The following CGNL1 variants were observed in gnomAD, a reference collection of about 807,000 sequenced individuals.
CGNL1 encodes cingulin-like protein 1.
Under a neutral mutation model 141.2 loss-of-function variants are expected in CGNL1, and 132 were observed. The ratio of observed to expected loss-of-function variants is 0.93; its 90% CI spans 0.81 to 1.08. The LOEUF (loss-of-function observed/expected upper bound fraction) is 1.08. CGNL1 is among the 50% of genes least tolerant of loss of function. The pLI, the probability that CGNL1 is intolerant of heterozygous loss-of-function variation, is 0.00. For missense variants in CGNL1, 1,870 were observed against 1,588.6 expected (o/e 1.18, Z -3.01); for synonymous variants, 690 against 622.1 (o/e 1.11, Z -1.63).
chr15:57,425,864 A>C (rs190697816), intron 1 of CGNL1, among the ~76,000 whole-genome samples: 100 of 152,180 alleles, frequency 6.6e-4, no homozygotes, highest in African/African-American at 2.4e-3. Context: ...TTGGATTACC[A>C]GTCTAATTTC....
chr15:57,520,707 C>A (rs954985618), intron 10 of CGNL1, among the ~76,000 whole-genome samples: 1 of 152,272 alleles, frequency 6.6e-6, no homozygotes, highest in East Asian at 1.9e-4. Context: ...GATAACAGTG[C>A]ATACATTATT....
intron 8 of CGNL1, among the ~76,000 whole-genome samples, chr15:57,468,228 CTTTTTCTTTTTTTTTTTT>C (rs2063534346): frequency 1.5e-5 from 1 of 64,820 alleles, no homozygotes; most frequent in African/African-American, 5.1e-5. Context: ...CTTTTCTTTT[CTTTTTCTTTTTTTTTTTT>C]TTTTTTTTTT....
chr15:57,451,541 G>T lies in CGNL1; in HGVS notation c.1845G>T (p.Gln615His), dbSNP rs551636907. Residue 615 changes from glutamine to histidine, a missense_variant, in exon 5 of 19, where the codon CAG (glutamine) becomes CAT (histidine). Coordinates refer to ENST00000281282, the MANE Select transcript of CGNL1 (RefSeq NM_032866.5). ...CTGAAGTCAAAGATCTATTGGAACA[G>T]AAAAGCAAGTTGACCATAGAAGTGG... Reference protein sequence around the residue: ...STSEVKDLLEQKSKLTIEVAE... With the variant: ...STSEVKDLLEHKSKLTIEVAE... The T allele has an allele frequency of 1.2e-6, 2 of 1,613,502 alleles. No individual in the cohort carries two copies. The highest frequency in any genetic ancestry group is 2.2e-5 in the South Asian group (2 of 90,928).
Position 57,496,963 on chromosome 15 carries a change from C to T in CGNL1, c.2404-19817C>T, listed in dbSNP as rs945238451. 7.9e-5 allele frequency among the ~76,000 whole-genome samples: 12 copies of T among 152,268 alleles called. 1 individual carries two copies. In the South Asian group the frequency reaches 1.5e-3, roughly 18 times the overall value. On this transcript the variant is annotated intron_variant, in intron 8 of 18. Coordinates refer to ENST00000281282, the MANE Select transcript of CGNL1 (RefSeq NM_032866.5). ...GCAACAGCTCTGTGGTTGCTGAGTC[C>T]GGCAATGCTGAGAAGGATGGCAGTT...
chr15:57,473,334 T>C (rs1290678323), intron 8 of CGNL1, among the ~76,000 whole-genome samples: 1 of 152,176 alleles, frequency 6.6e-6, no homozygotes, highest in Non-Finnish European at 1.5e-5. Context: ...GGTGGAAAAA[T>C]TTGGCGTTAT....
At chr15:57,469,599 C>G (rs11629752) in intron 8 of CGNL1, among the ~76,000 whole-genome samples, 3 of 151,854 alleles carry the variant, frequency 2.0e-5, no homozygotes, top group African/African-American at 7.3e-5. Context: ...TACTGAGTTT[C>G]TGTACTTTTG....
In CGNL1 at chr15:57,442,461, G is replaced by A. The variant is rs116793730; in HGVS notation, c.1786G>A (p.Ala596Thr). The change falls in exon 4 of 19, where the codon GCC becomes ACC. Residue 596 changes from alanine to threonine, a missense_variant. Ala to Thr is a moderately conservative substitution (Grantham distance 58). Coordinates refer to ENST00000281282, the MANE Select transcript of CGNL1 (RefSeq NM_032866.5). The stretch of plus-strand genomic sequence containing the variant: ...CTTAAAGTCTCGAGCAGCTGGGAGC[G>A]CCCAAGGAAATAACCAAGTAAATGG... ...QTLKSRAAGS[A>T]QGNNQACNST... is the part of the protein sequence containing the mutation. 6.8e-4 allele frequency: 1,102 copies of A among 1,610,222 alleles called. 6 individuals are homozygous for A. In the African/African-American group the frequency reaches 0.01, roughly 15 times the overall value.
intron 4 of CGNL1, among the ~76,000 whole-genome samples, chr15:57,446,363 C>G (rs1489476781): frequency 2.0e-5 from 3 of 152,132 alleles, no homozygotes; most frequent in Non-Finnish European, 4.4e-5. Context: ...GTGTTCCTTC[C>G]CCATAAATTG....
chr15:57,407,651 G>C (rs1434747653), intron 1 of CGNL1, among the ~76,000 whole-genome samples: 1 of 152,126 alleles, frequency 6.6e-6, no homozygotes, highest in African/African-American at 2.4e-5. Flanking sequence ...ACTTTGGCCT[G>C]GGCGACAGAG....
In CGNL1 at chr15:57,500,873, A is replaced by C. The variant is rs1487135090; in HGVS notation, c.2404-15907A>C. ...TTTTATTTTTATGTGAGGTGTTTGG[A>C]AGTTGAAGGAATTTTCTCACAGAGA... On this transcript the variant is annotated intron_variant, in intron 8 of 18. Transcript: ENST00000281282. Among the ~76,000 whole-genome samples the C allele has an allele frequency of 2.6e-5, 4 of 152,254 alleles. No homozygotes were observed. The East Asian group carries it at 7.7e-4, about 29-fold the overall frequency.
At chr15:57,503,520 G>T (rs2064057077) in intron 8 of CGNL1, among the ~76,000 whole-genome samples, 1 of 152,164 alleles carries the variant, frequency 6.6e-6, no homozygotes, top group African/African-American at 2.4e-5. Flanking sequence ...TTGTGTGTGG[G>T]GCAGGTGTTG....
intron 10 of CGNL1, among the ~76,000 whole-genome samples, chr15:57,519,491 C>A (rs543920521): frequency 6.6e-6 from 1 of 152,264 alleles, no homozygotes; most frequent in African/African-American, 2.4e-5. Flanking sequence ...GGACTCTCCC[C>A]CAAAATCAGA....
intron 8 of CGNL1, among the ~76,000 whole-genome samples, chr15:57,514,548 T>C (rs1217271092): frequency 6.6e-6 from 1 of 152,228 alleles, no homozygotes; most frequent in Non-Finnish European, 1.5e-5. Context: ...CCTTTCATTC[T>C]GGTCGTTGTC....
intron 1 of CGNL1, among the ~76,000 whole-genome samples, chr15:57,413,600 G>A (rs1283884476): frequency 6.6e-6 from 1 of 152,178 alleles, no homozygotes; most frequent in Non-Finnish European, 1.5e-5. Context: ...TCTCAGTAGG[G>A]AAACCACTCC....
intron 8 of CGNL1, among the ~76,000 whole-genome samples, chr15:57,511,653 C>G (rs1164382779): frequency 6.6e-6 from 1 of 152,166 alleles, no homozygotes; most frequent in Non-Finnish European, 1.5e-5. Context: ...GTGGCTGCCT[C>G]ATAGCTGAAA....
chr15:57,384,493 T>C (rs148713189), intron 1 of CGNL1, among the ~76,000 whole-genome samples: 17 of 152,320 alleles, frequency 1.1e-4, no homozygotes, highest in African/African-American at 4.1e-4. Flanking sequence ...TGAGCTATGC[T>C]AACAACTACC....
chr15:57,475,565 C>T (rs1445827543), intron 8 of CGNL1, among the ~76,000 whole-genome samples: 1 of 150,420 alleles, frequency 6.6e-6, no homozygotes, highest in Non-Finnish European at 1.5e-5. Flanking sequence ...TACATAAATG[C>T]CTGCTGTGCA....
chr15:57,460,463 A>G (rs1322403026), intron 7 of CGNL1, among the ~76,000 whole-genome samples: 3 of 152,180 alleles, frequency 2.0e-5, no homozygotes, highest in African/African-American at 7.2e-5. Flanking sequence ...AGAAAAGACA[A>G]CTGTATTAGT....
chr15:57,507,298 T>C (rs2064116058), intron 8 of CGNL1, among the ~76,000 whole-genome samples: 1 of 152,226 alleles, frequency 6.6e-6, no homozygotes, highest in Admixed American at 6.5e-5. Flanking sequence ...GTTGAGTATC[T>C]CTGTAGGTTT....
Sources: allele counts gnomAD v4.1 joint callset (sites outside exome capture counted in the v4.1 genomes callset), GRCh38; gene constraint gnomAD v4.1.1; transcripts MANE v1.5; gene names NCBI Gene and HGNC (gene_info 2026-07-23, HGNC 2026-07-21).